Variants in IFT57 observed in about 807,000 individuals in gnomAD.
IFT57 encodes intraflagellar transport protein 57 homolog.
Under a neutral mutation model 56.8 loss-of-function variants are expected in IFT57, and 59 were observed. The observed-to-expected ratio is 1.04, with a 90% confidence interval of 0.84 to 1.29. IFT57 has a LOEUF of 1.29. Ranked by LOEUF, IFT57 falls within the 50% of genes most tolerant of loss-of-function variation. The probability of loss-of-function intolerance (pLI) is 0.00; values close to 1 mark genes in which losing one functional copy is unlikely to be tolerated. For missense variants in IFT57, 470 were observed against 522.1 expected (o/e 0.90, Z 0.97); for synonymous variants, 209 against 186.1 (o/e 1.12, Z -1.00).
At chr3:108,184,887 C>T (rs1443344696) in intron 6 of IFT57, among the ~76,000 whole-genome samples, 1 of 151,916 alleles carries the variant, frequency 6.6e-6, no homozygotes, top group Non-Finnish European at 1.5e-5. Context: ...TAGCATAAAC[C>T]CTGAATAACA....
intron 10 of IFT57, among the ~76,000 whole-genome samples, chr3:108,163,103 A>G (rs1304664204): frequency 6.6e-6 from 1 of 152,102 alleles, no homozygotes; most frequent in Non-Finnish European, 1.5e-5. Context: ...TATCAATAGA[A>G]CTCTAGAAAA....
At chr3:108,200,836 T>C (rs922770893) in intron 5 of IFT57, among the ~76,000 whole-genome samples, 7 of 152,312 alleles carry the variant, frequency 4.6e-5, no homozygotes, top group Admixed American at 3.9e-4. Context: ...CCTATGTAAG[T>C]ATCTTACTCA....
chr3:108,207,892 A>T (rs901679369), intron 4 of IFT57, among the ~76,000 whole-genome samples: 69 of 152,162 alleles, frequency 4.5e-4, no homozygotes, highest in Admixed American at 4.5e-3. Flanking sequence ...AAATACAAAA[A>T]ATTAGCCGGG....
chr3:108,207,231 C>T lies in IFT57; in HGVS notation c.586-535G>A, dbSNP rs1006100753. Among the ~76,000 whole-genome samples the T allele has an allele frequency of 2.6e-5, 4 of 152,238 alleles. No individual in the cohort carries two copies. In the South Asian group the frequency reaches 6.2e-4, roughly 24 times the overall value. On this transcript the variant is annotated intron_variant, in intron 4 of 10. Transcript: ENST00000264538. ...TACCAGTACTGGTTGGTCCATGGTA[C>T]TTAAATCTATTAAAAAGGATAGTAT...
At chr3:108,169,709 G>A (rs569994272) in intron 6 of IFT57, among the ~76,000 whole-genome samples, 1 of 151,616 alleles carries the variant, frequency 6.6e-6, no homozygotes, top group East Asian at 1.9e-4. Flanking sequence ...TATATGGCTA[G>A]CCAGTTTTAT....
intron 6 of IFT57, among the ~76,000 whole-genome samples, chr3:108,169,573 T>C (rs1247634686): frequency 6.6e-6 from 1 of 152,088 alleles, no homozygotes; most frequent in African/African-American, 2.4e-5. Flanking sequence ...GCCTATATCC[T>C]GAATGGTATT....
intron 4 of IFT57, among the ~76,000 whole-genome samples, chr3:108,212,285 C>T (rs1315658610): frequency 6.6e-6 from 1 of 152,086 alleles, no homozygotes; most frequent in East Asian, 1.9e-4. Flanking sequence ...CTCTATTGCC[C>T]AGGTTAGTCT....
intron 6 of IFT57, among the ~76,000 whole-genome samples, chr3:108,177,701 G>T (rs1048442897): frequency 1.3e-5 from 2 of 151,594 alleles, no homozygotes; most frequent in East Asian, 3.9e-4. Context: ...GAACACAAGG[G>T]AACTTCCCTA....
rs1306827226 is a variant in IFT57 at position 108,199,799 on chromosome 3, TGGG to T, written c.654+6826_654+6828del. Among the ~76,000 whole-genome samples, 16 of 150,402 alleles carry T rather than the reference TGGG, an allele frequency of 1.1e-4. No individual in the cohort carries two copies. The East Asian group carries it at 3.1e-3, about 29-fold the overall frequency. Reference sequence around the variant, plus strand: ...TTTTTGTAGATTTTTGGGTTTGCTGTGGGACTAAATGGGGCAAGGTGATAAGGG... The same window carrying T: ...TTTTTGTAGATTTTTGGGTTTGCTGTACTAAATGGGGCAAGGTGATAAGGG... On this transcript the variant is annotated intron_variant, in intron 5 of 10. Coordinates refer to ENST00000264538, the MANE Select transcript of IFT57 (RefSeq NM_018010.4).
intron 6 of IFT57, among the ~76,000 whole-genome samples, chr3:108,188,449 C>G (rs1251541075): frequency 1.3e-5 from 2 of 152,056 alleles, no homozygotes; most frequent in African/African-American, 2.4e-5. Flanking sequence ...ACACAAAGAT[C>G]AAACTATCTA....
chr3:108,219,356 G>A (rs1019508404), intron 2 of IFT57, 54 bp downstream of exon 2: 2 of 1,418,808 alleles, frequency 1.4e-6, no homozygotes, highest in Admixed American at 1.7e-5. Context: ...TAAATTACCA[G>A]TATTAAAATT....
intron 3 of IFT57, 29 bp from the exon 4 acceptor site, chr3:108,214,050 A>G: frequency 7.7e-7 from 1 of 1,301,560 alleles, no homozygotes; most frequent in Non-Finnish European, 1.1e-6. Flanking sequence ...ACATGAGGTG[A>G]TAATTTTAAT....
Position 108,205,118 on chromosome 3 carries a change from T to G in IFT57, c.654+1510A>C, listed in dbSNP as rs968938276. Reference sequence around the variant, plus strand: ...ACACTATGGGGAATATTAAAAAGGATAGCTATCTCCGTTATCAAGGAGCTT... The same window carrying G: ...ACACTATGGGGAATATTAAAAAGGAGAGCTATCTCCGTTATCAAGGAGCTT... On this transcript the variant is annotated intron_variant, in intron 5 of 10. Transcript: ENST00000264538. Among the ~76,000 whole-genome samples, 6 of 152,244 alleles carry G rather than the reference T, an allele frequency of 3.9e-5. No homozygotes were observed. In the South Asian group the frequency reaches 1.2e-3, roughly 32 times the overall value.
chr3:108,219,338 T>C, intron 2 of IFT57, 72 bp downstream of exon 2: 2 of 1,291,498 alleles, frequency 1.5e-6, no homozygotes, highest in Non-Finnish European at 2.2e-6. Flanking sequence ...ATGGCTAGCA[T>C]TTGTTATTAA....
intron 6 of IFT57, among the ~76,000 whole-genome samples, chr3:108,175,411 C>T (rs773335654): frequency 7.9e-5 from 12 of 151,912 alleles, no homozygotes; most frequent in Non-Finnish European, 1.8e-4. Context: ...TAGATCCCCT[C>T]CCCACTCCAA....
chr3:108,208,581 G>T (rs1014175544), intron 4 of IFT57, among the ~76,000 whole-genome samples: 2 of 152,162 alleles, frequency 1.3e-5, no homozygotes, highest in African/African-American at 4.8e-5. Context: ...GGTGGAAATG[G>T]AGTGGAACCA....
chr3:108,171,879 T>C (rs1016483651), intron 6 of IFT57, among the ~76,000 whole-genome samples: 114 of 152,032 alleles, frequency 7.5e-4, no homozygotes, highest in African/African-American at 2.6e-3. Flanking sequence ...AGTATTTACA[T>C]TGCTTCCCTC....
intron 5 of IFT57, among the ~76,000 whole-genome samples, chr3:108,197,382 A>G: frequency 6.6e-6 from 1 of 152,180 alleles, no homozygotes; most frequent in East Asian, 1.9e-4. Context: ...GGAGAAACTG[A>G]TGAGATGGGA....
intron 6 of IFT57, among the ~76,000 whole-genome samples, chr3:108,173,519 G>A (rs1171536382): frequency 6.6e-6 from 1 of 151,760 alleles, no homozygotes; most frequent in African/African-American, 2.4e-5. Flanking sequence ...ATATAGCTTA[G>A]CCTAGCTTAC....
Sources: gnomAD v4.1 joint callset for allele counts (sites outside exome capture counted in the v4.1 genomes callset) on GRCh38, gnomAD v4.1.1 for gene constraint, MANE v1.5 for transcripts, NCBI Gene and HGNC (gene_info 2026-07-23, HGNC 2026-07-21) for gene names.